PNPLA7: variants seen among roughly 807,000 people sequenced by gnomAD.
The protein encoded by PNPLA7 is patatin like domain 7, lysophospholipase.
A neutral mutation model predicts 161.7 loss-of-function variants in PNPLA7; 153 were observed. The observed-to-expected ratio is 0.95, with a 90% CI of 0.83 to 1.08. The LOEUF (loss-of-function observed/expected upper bound fraction) is 1.08, where lower values mean the gene tolerates loss of function less well. Among genes scored for constraint, PNPLA7 ranks in the 50% least tolerant of loss-of-function variants. The probability of loss-of-function intolerance (pLI) is 0.00; values close to 1 mark genes in which losing one functional copy is unlikely to be tolerated. For missense variants in PNPLA7, 1,739 were observed against 1,856.6 expected (o/e 0.94, Z 1.16); for synonymous variants, 809 against 782.1 (o/e 1.03, Z -0.57).
chr9:137,460,828 T>G (rs1177013373), intron 33 of PNPLA7, 91 bp from the exon 34 acceptor site: 1 of 1,226,662 alleles, frequency 8.2e-7, no homozygotes, highest in East Asian at 2.5e-5. Flanking sequence ...CGGCCACAGA[T>G]GCCCACCCCC....
intron 14 of PNPLA7, among the ~76,000 whole-genome samples, chr9:137,502,934 G>C (rs1034998269): frequency 1.3e-5 from 2 of 151,870 alleles, no homozygotes; most frequent in African/African-American, 2.4e-5. Context: ...TGCTTCAAGG[G>C]GGGGCACCCG....
chr9:137,547,509 G>C lies in PNPLA7; in HGVS notation c.105+76C>G, dbSNP rs1388857123. The C allele has an allele frequency of 6.3e-7, 1 of 1,595,142 alleles. No homozygotes were observed. Among genetic ancestry groups the C allele is most frequent in the Non-Finnish European group, 8.6e-7 (1 of 1,164,008 alleles). On this transcript the variant is annotated intron_variant, in intron 2 of 34. Coordinates refer to ENST00000406427, the MANE Select transcript of PNPLA7 (RefSeq NM_001098537.3). The surrounding 1 kb of genome is among the most constrained non-coding windows in gnomAD (Gnocchi z 4.6). ...CCACAGGCTGGGCAGGAATGAGCCA[G>C]GGGATGGGGACAGGGAGAGGTGAAA...
In PNPLA7 at chr9:137,467,184, G is replaced by C. The variant is rs1831516676; in HGVS notation, c.3039+133C>G. The C allele has an allele frequency of 8.0e-7, 1 of 1,255,620 alleles. No individual in the cohort carries two copies. Among genetic ancestry groups the C allele is most frequent in the African/African-American group, 1.5e-5 (1 of 65,830 alleles). The allele number at this position is 1,255,620 out of a possible 1,614,324, so 77.8% of individuals were successfully genotyped here. On this transcript the variant is annotated intron_variant, in intron 26 of 34. Transcript: ENST00000406427. The surrounding 1 kb of genome is among the most constrained non-coding windows in gnomAD (Gnocchi z 5.1). The stretch of plus-strand genomic sequence containing the variant: ...CTTTGCCTCACAAGCTGCACTGGGA[G>C]GCTTCAGGGGGTAGCCTCCTCGAGG...
In PNPLA7 at chr9:137,520,109, C is replaced by T; in HGVS notation, c.958-66G>A. The T allele has an allele frequency of 6.3e-7, 1 of 1,587,868 alleles. No homozygotes were observed. The highest frequency in any genetic ancestry group is 8.6e-7 in the Non-Finnish European group (1 of 1,167,760). ...CCCCACACCCACTGACAGGTGTGGG[C>T]TCCTCAAAGGTGTGACAGGTGTGGG... On this transcript the variant is annotated intron_variant, in intron 10 of 34. Transcript: ENST00000406427. This position sits in a 1 kb window ranked among gnomAD's most constrained non-coding sequence, Gnocchi z 5.2.
intron 24 of PNPLA7, 177 bp downstream of exon 24, chr9:137,478,879 C>G (rs1022432605): frequency 3.2e-6 from 3 of 949,686 alleles, no homozygotes; most frequent in Non-Finnish European, 4.4e-6. Context: ...GCCGTGGCCA[C>G]CAGAGGCCCA....
Position 137,476,996 on chromosome 9 carries a change from TCCGAGCTTTTC to T in PNPLA7, c.2882+1027_2882+1037del. Among the ~76,000 whole-genome samples the T allele has an allele frequency of 6.6e-6, 1 of 152,280 alleles. No individual in the cohort carries two copies. The highest frequency in any genetic ancestry group is 6.5e-5 in the Admixed American group (1 of 15,302). The stretch of plus-strand genomic sequence containing the variant: ...GCATCCTCGAGGCCCTGGGGCCACC[TCCGAGCTTTTC>T]CCGGGGTAGCAGTGCTGGCACTCCG... On this transcript the variant is annotated intron_variant, in intron 25 of 34. Transcript: ENST00000406427. This position sits in a 1 kb window ranked among gnomAD's most constrained non-coding sequence, Gnocchi z 4.5.
At chr9:137,525,909 C>T (rs941567775) in intron 8 of PNPLA7, among the ~76,000 whole-genome samples, 2 of 150,532 alleles carry the variant, frequency 1.3e-5, no homozygotes, top group Non-Finnish European at 3.0e-5. Flanking sequence ...CCTGTCTGGG[C>T]ATAACAGAAG....
At chr9:137,483,629 G>A (rs1293738465) in intron 21 of PNPLA7, among the ~76,000 whole-genome samples, 1 of 151,800 alleles carries the variant, frequency 6.6e-6, no homozygotes, top group East Asian at 2.0e-4. Context: ...GCTAATTTTT[G>A]TATTTTTAGT....
chr9:137,482,261 T>C (rs1291576620), intron 21 of PNPLA7, among the ~76,000 whole-genome samples: 1 of 152,252 alleles, frequency 6.6e-6, no homozygotes. Context: ...TGAAAACCTC[T>C]GTCCACACAG....
chr9:137,539,888 C>T (rs1036920191), intron 8 of PNPLA7, among the ~76,000 whole-genome samples: 4 of 152,084 alleles, frequency 2.6e-5, no homozygotes, highest in African/African-American at 7.2e-5. Flanking sequence ...CGGGTTCATG[C>T]GATTCTCCTG....
In PNPLA7 at chr9:137,537,605, G is replaced by A. The variant is rs113942544; in HGVS notation, c.747+3037C>T. ...GCTGGGATTACAGGCGTGAGCCACC[G>A]TGCTCAGCCAATCACCTCCCATTTT... On this transcript the variant is annotated intron_variant, in intron 8 of 34. Transcript: ENST00000406427. The surrounding 1 kb of genome is among the most constrained non-coding windows in gnomAD (Gnocchi z 4.5). Among the ~76,000 whole-genome samples the A allele has an allele frequency of 2.7e-4, 41 of 152,224 alleles. 2 individuals are homozygous for A. The highest frequency in any genetic ancestry group is 6.3e-4 in the African/African-American group (26 of 41,534).
chr9:137,516,506 A>G (rs951260564), intron 11 of PNPLA7: 24 of 985,240 alleles, frequency 2.4e-5, no homozygotes, highest in Non-Finnish European at 2.5e-5. Context: ...GCAATGACAC[A>G]TACTCTAAAA....
At chr9:137,460,808 G>A in intron 33 of PNPLA7, 71 bp from the exon 34 acceptor site, 1 of 1,427,874 alleles carries the variant, frequency 7.0e-7, no homozygotes, top group Non-Finnish European at 9.6e-7. Flanking sequence ...GCCACACTCA[G>A]AGGCAGAACC....
chr9:137,516,944 G>A (rs541506151), intron 11 of PNPLA7, among the ~76,000 whole-genome samples: 42 of 151,886 alleles, frequency 2.8e-4, no homozygotes, highest in African/African-American at 9.7e-4. Flanking sequence ...GCACACATGA[G>A]TGCAGGAGTA....
chr9:137,494,998 C>T (rs762569458), intron 19 of PNPLA7, 35 bp downstream of exon 19: 3 of 1,564,320 alleles, frequency 1.9e-6, no homozygotes, highest in Non-Finnish European at 1.7e-6. Context: ...TCCACACCCT[C>T]ATCCGCTCCG....
At chr9:137,514,663 G>C (rs1834427506) in intron 12 of PNPLA7, among the ~76,000 whole-genome samples, 2 of 137,700 alleles carry the variant, frequency 1.5e-5, no homozygotes, top group South Asian at 4.8e-4. Flanking sequence ...GAGGTGCCTG[G>C]GCCCTGTGGC....
chr9:137,516,835 T>C (rs1428473954), intron 11 of PNPLA7, among the ~76,000 whole-genome samples: 2 of 149,848 alleles, frequency 1.3e-5, no homozygotes, highest in Non-Finnish European at 3.0e-5. Context: ...ATAATAATAA[T>C]TATTATTATT....
rs1422181762 is a variant in PNPLA7, at chr9:137,520,706, T to G, written c.958-663A>C. On this transcript the variant is annotated intron_variant, in intron 10 of 34. Transcript: ENST00000406427. This position sits in a 1 kb window ranked among gnomAD's most constrained non-coding sequence, Gnocchi z 5.2. ...CAGTTCCCACGAGAGCTCGGCTAGG[T>G]GGGGACCGTCCCACGTCCCGGCCAA... Among the ~76,000 whole-genome samples, 1 of 152,088 alleles carries G rather than the reference T, an allele frequency of 6.6e-6. No individual in the cohort carries two copies. Among genetic ancestry groups the G allele is most frequent in the Non-Finnish European group, 1.5e-5 (1 of 67,994 alleles).
In PNPLA7 at chr9:137,491,587, C is replaced by T. The variant is rs144612858; in HGVS notation, c.2197+1426G>A. On this transcript the variant is annotated intron_variant, in intron 20 of 34. Transcript: ENST00000406427. ...AAGAGTTACATTACGTGTTAGTGTCCCCCCAAATTCATGTCTACCCAGAAC... is the reference window on the plus strand; with the variant it reads ...AAGAGTTACATTACGTGTTAGTGTCTCCCCAAATTCATGTCTACCCAGAAC... 24 of 985,380 alleles carry T rather than the reference C, an allele frequency of 2.4e-5. No individual in the cohort carries two copies. In the African/African-American group the frequency reaches 3.7e-4, roughly 15 times the overall value. The allele number at this position is 985,380 out of a possible 1,614,324, so 61.0% of individuals were successfully genotyped here.
Sources: gnomAD v4.1 joint callset for allele counts (sites outside exome capture counted in the v4.1 genomes callset) on GRCh38, gnomAD v4.1.1 for gene constraint, Gnocchi (gnomAD v3.1) non-coding constraint, MANE v1.5 for transcripts, NCBI Gene and HGNC (gene_info 2026-07-23, HGNC 2026-07-21) for gene names.